The following SLC13A1 variants were observed in gnomAD, a reference collection of about 807,000 sequenced individuals.
SLC13A1 encodes the protein Na(+)/sulfate cotransporter.
SLC13A1 carries 65 observed loss-of-function variants against 70.0 expected under a neutral mutation model. That is an observed-to-expected ratio of 0.93 (90% CI 0.76 to 1.14). The LOEUF (loss-of-function observed/expected upper bound fraction) is 1.14, where lower values mean the gene tolerates loss of function less well. SLC13A1 is among the 50% of genes most tolerant of loss of function. The pLI is 0.00. For missense variants in SLC13A1, 726 were observed against 717.8 expected (o/e 1.01, Z -0.13); for synonymous variants, 275 against 250.5 (o/e 1.10, Z -0.92).
chr7:123,126,668 C>A (rs1453960351), intron 10 of SLC13A1, among the ~76,000 whole-genome samples: 3 of 152,036 alleles, frequency 2.0e-5, no homozygotes, highest in Non-Finnish European at 4.4e-5. Context: ...ATTTTTAAAG[C>A]AGTCTACTTT....
At chr7:123,161,335 ATATAAC>A (rs1361619895) in intron 6 of SLC13A1, among the ~76,000 whole-genome samples, 1 of 151,800 alleles carries the variant, frequency 6.6e-6, no homozygotes, top group African/African-American at 2.4e-5. Flanking sequence ...AAATAAAGAC[ATATAAC>A]TATAAATACT....
intron 6 of SLC13A1, among the ~76,000 whole-genome samples, chr7:123,158,032 G>A (rs917155235): frequency 6.6e-6 from 1 of 151,868 alleles, no homozygotes; most frequent in African/African-American, 2.4e-5. Flanking sequence ...CAATATAATT[G>A]AAAACTCTTA....
chr7:123,119,318 A>G, intron 12 of SLC13A1, 76 bp from the exon 13 acceptor site: 3 of 1,020,466 alleles, frequency 2.9e-6, no homozygotes, highest in Non-Finnish European at 4.2e-6. Flanking sequence ...CCATAAAAAA[A>G]CATTATTTCC....
chr7:123,156,670 G>T (rs1794726744), intron 6 of SLC13A1, among the ~76,000 whole-genome samples: 1 of 152,094 alleles, frequency 6.6e-6, no homozygotes, highest in South Asian at 2.1e-4. Context: ...TTTCTGTAAA[G>T]AAATTTTTTT....
intron 2 of SLC13A1, among the ~76,000 whole-genome samples, chr7:123,175,675 CTG>C (rs1448266140): frequency 6.6e-6 from 1 of 152,152 alleles, no homozygotes; most frequent in Non-Finnish European, 1.5e-5. Context: ...GCCTCCAGAA[CTG>C]TGAGCAATAA....
intron 7 of SLC13A1, 64 bp downstream of exon 7, chr7:123,147,095 G>C: frequency 6.6e-7 from 1 of 1,514,514 alleles, no homozygotes; most frequent in East Asian, 2.3e-5. Context: ...AATCAGGTAA[G>C]AATAATTTTT....
intron 7 of SLC13A1, among the ~76,000 whole-genome samples, chr7:123,145,910 T>A: frequency 6.6e-6 from 1 of 152,048 alleles, no homozygotes; most frequent in Admixed American, 6.6e-5. Context: ...ATTCATAGAG[T>A]CTATGAATCT....
At chr7:123,133,969 C>T (rs1793859530) in intron 8 of SLC13A1, among the ~76,000 whole-genome samples, 3 of 152,160 alleles carry the variant, frequency 2.0e-5, no homozygotes, top group African/African-American at 4.8e-5. Context: ...TCTTGAGTAG[C>T]TGGGACCAGA....
intron 1 of SLC13A1, among the ~76,000 whole-genome samples, chr7:123,195,262 T>C (rs1216388073): frequency 6.6e-6 from 1 of 152,116 alleles, no homozygotes; most frequent in Non-Finnish European, 1.5e-5. Context: ...CTGCATTCTT[T>C]GGTGTCCAAA....
At chr7:123,155,514 C>T (rs191390703) in intron 6 of SLC13A1, among the ~76,000 whole-genome samples, 282 of 151,866 alleles carry the variant, frequency 1.9e-3, no homozygotes, top group Admixed American at 7.8e-3. Flanking sequence ...TCTCTGTTTC[C>T]CGCAAATTGC....
At chr7:123,191,006 T>C (rs996200753) in intron 1 of SLC13A1, among the ~76,000 whole-genome samples, 2 of 152,220 alleles carry the variant, frequency 1.3e-5, no homozygotes, top group Non-Finnish European at 2.9e-5. Context: ...TTGTCAGTCT[T>C]TCTTTAGTGT....
chr7:123,173,076 G>C (rs1217616540), intron 2 of SLC13A1, among the ~76,000 whole-genome samples: 2 of 152,088 alleles, frequency 1.3e-5, no homozygotes, highest in Non-Finnish European at 2.9e-5. Flanking sequence ...TGTGCTGAAA[G>C]AGGATTATAA....
chr7:123,135,274 T>G (rs1003450109), intron 7 of SLC13A1, among the ~76,000 whole-genome samples: 1 of 152,176 alleles, frequency 6.6e-6, no homozygotes, highest in Non-Finnish European at 1.5e-5. Context: ...AACAACAACA[T>G]AAGATCAGAC....
chr7:123,119,353 T>G, intron 12 of SLC13A1, 111 bp from the exon 13 acceptor site: 1 of 811,670 alleles, frequency 1.2e-6, no homozygotes, highest in Non-Finnish European at 1.8e-6. Context: ...TTCTAAAATA[T>G]AATTTTAATC....
chr7:123,183,094 A>T (rs1185655984), intron 1 of SLC13A1, among the ~76,000 whole-genome samples: 1 of 152,064 alleles, frequency 6.6e-6, no homozygotes, highest in Non-Finnish European at 1.5e-5. Context: ...TTGGTATACC[A>T]ACAAGCCCCC....
rs74353384 is a variant in SLC13A1, at chr7:123,176,154, A to T, written c.229-4250T>A. 2.0e-3 allele frequency among the ~76,000 whole-genome samples: 311 copies of T among 152,326 alleles called. 3 individuals carry two copies. The highest frequency in any genetic ancestry group is 7.1e-3 in the African/African-American group (294 of 41,580). ...TCAATAGACCATGCAAACAAACTACAGCCTGCAGTCCAAATAAAATTAGTT... is the reference window on the plus strand; with the variant it reads ...TCAATAGACCATGCAAACAAACTACTGCCTGCAGTCCAAATAAAATTAGTT... On this transcript the variant is annotated intron_variant, in intron 2 of 14. Coordinates refer to ENST00000194130, the MANE Select transcript of SLC13A1 (RefSeq NM_022444.4).
At chr7:123,126,714 TA>T (rs1256605908) in intron 10 of SLC13A1, among the ~76,000 whole-genome samples, 1 of 152,138 alleles carries the variant, frequency 6.6e-6, no homozygotes, top group African/African-American at 2.4e-5. Flanking sequence ...CATTACTAGT[TA>T]AAAATCTACC....
intron 13 of SLC13A1, 21 bp from the exon 14 acceptor site, chr7:123,117,629 G>T (rs1234285113): frequency 1.4e-6 from 2 of 1,475,758 alleles, no homozygotes; most frequent in Non-Finnish European, 1.8e-6. Flanking sequence ...AGATAAAAAA[G>T]AGTCTAAGTA....
intron 6 of SLC13A1, among the ~76,000 whole-genome samples, chr7:123,149,076 A>T (rs1227724824): frequency 6.6e-6 from 1 of 152,118 alleles, no homozygotes; most frequent in Non-Finnish European, 1.5e-5. Context: ...TATGTAGGTA[A>T]CACACATCTT....
Sources: allele counts gnomAD v4.1 joint callset (sites outside exome capture counted in the v4.1 genomes callset), GRCh38; gene constraint gnomAD v4.1.1; transcripts MANE v1.5; gene names NCBI Gene and HGNC (gene_info 2026-07-23, HGNC 2026-07-21).